LINGO2: variants seen among roughly 807,000 people sequenced by gnomAD.
LINGO2 encodes the protein leucine-rich repeat and immunoglobulin-like domain-containing nogo receptor-interacting protein 2.
In LINGO2, 14 loss-of-function variants were observed where a neutral mutation model predicts 30.6. The ratio of observed to expected loss-of-function variants is 0.46; its 90% CI spans 0.30 to 0.72. LINGO2 has a LOEUF of 0.72. LINGO2 is among the 30% of genes least tolerant of loss of function. LINGO2 has a pLI of 0.07. For synonymous variants in LINGO2, 317 were observed against 288.5 expected, an observed-to-expected ratio of 1.10 and a Z score of -1.00; for missense variants, 729 against 751.7, an observed-to-expected ratio of 0.97 and a Z score of 0.35.
At chr9:28,842,837 G>T in the LINGO2 span, among the ~76,000 whole-genome samples, 1 of 151,706 alleles carries the variant, frequency 6.6e-6, no homozygotes, top group African/African-American at 2.4e-5. Flanking sequence ...CTCTCTGAAG[G>T]TATTTGATTT....
At chr9:28,960,976 G>GGAA in the LINGO2 span, among the ~76,000 whole-genome samples, 8 of 152,030 alleles carry the variant, frequency 5.3e-5, no homozygotes, top group Non-Finnish European at 1.0e-4. Context: ...CAGGAATGGA[G>GGAA]GAAGCACCAT....
At chr9:28,824,353 G>A in the LINGO2 span, among the ~76,000 whole-genome samples, 1 of 152,182 alleles carries the variant, frequency 6.6e-6, no homozygotes. Context: ...AGCCCAATTA[G>A]TAGGCACATG....
the LINGO2 span, among the ~76,000 whole-genome samples, chr9:29,183,353 G>A: frequency 6.6e-6 from 1 of 152,204 alleles, no homozygotes; most frequent in Non-Finnish European, 1.5e-5. Context: ...ATGAAGAAAT[G>A]AAGCCATGGG....
Position 28,053,816 on chromosome 9 carries a change from C to A in LINGO2, c.-86-41411G>T, listed in dbSNP as rs1229493340. ...TATTTTCTATTCTCAGAAATGATTA[C>A]GTGTTTTCAGCTAAACCATGAGGTA... is the stretch of plus-strand genomic sequence containing the variant. On this transcript the variant is annotated intron_variant, in intron 4 of 5. Transcript: ENST00000379992. 2.0e-5 allele frequency among the ~76,000 whole-genome samples: 3 copies of A among 152,148 alleles called. No homozygotes were observed. The South Asian group carries it at 6.2e-4, about 32-fold the overall frequency.
At chr9:29,010,191 T>C in the LINGO2 span, among the ~76,000 whole-genome samples, 2 of 152,104 alleles carry the variant, frequency 1.3e-5, no homozygotes, top group Non-Finnish European at 2.9e-5. Flanking sequence ...GGGATCTAAT[T>C]AAACTAAAGA....
At chr9:28,031,368 T>C (rs1382933595) in intron 4 of LINGO2, among the ~76,000 whole-genome samples, 1 of 151,480 alleles carries the variant, frequency 6.6e-6, no homozygotes, top group Non-Finnish European at 1.5e-5. Flanking sequence ...TTTTTTTTTT[T>C]ACAATTTTTA....
chr9:28,262,055 G>C (rs544952439), intron 4 of LINGO2, among the ~76,000 whole-genome samples: 2 of 151,990 alleles, frequency 1.3e-5, no homozygotes, highest in East Asian at 1.9e-4. Flanking sequence ...GTACAGATTA[G>C]AAAACAAAAT....
the LINGO2 span, among the ~76,000 whole-genome samples, chr9:29,004,284 A>G: frequency 6.6e-6 from 1 of 152,094 alleles, no homozygotes; most frequent in East Asian, 1.9e-4. Context: ...TTTAGCTAAA[A>G]AATAATCTCA....
intron 2 of LINGO2, among the ~76,000 whole-genome samples, chr9:28,433,091 T>C (rs1001724550): frequency 2.8e-4 from 43 of 152,138 alleles, no homozygotes; most frequent in African/African-American, 1.0e-3. Flanking sequence ...GCATTCAAAA[T>C]GGCTATCATC....
intron 1 of LINGO2, among the ~76,000 whole-genome samples, chr9:28,591,627 T>G (rs1209646284): frequency 6.6e-6 from 1 of 152,060 alleles, no homozygotes; most frequent in Non-Finnish European, 1.5e-5. Flanking sequence ...ATGGGTATTT[T>G]GGAGAAGGAA....
intron 1 of LINGO2, among the ~76,000 whole-genome samples, chr9:28,513,714 C>A (rs10119327): frequency 0.22 from 33,439 of 152,024 alleles, 3,742 homozygotes; most frequent in South Asian, 0.33. Context: ...TATTTTTCTT[C>A]TTTGTGTGTA....
intron 4 of LINGO2, among the ~76,000 whole-genome samples, chr9:28,080,275 A>G (rs540448353): frequency 5.9e-5 from 9 of 152,160 alleles, no homozygotes; most frequent in Non-Finnish European, 1.2e-4. Flanking sequence ...AATTTCTACC[A>G]TGGCATATGA....
chr9:28,608,466 C>A (rs1459781216), intron 1 of LINGO2, among the ~76,000 whole-genome samples: 2 of 151,896 alleles, frequency 1.3e-5, no homozygotes, highest in Admixed American at 6.6e-5. Context: ...ATTACATAAA[C>A]CCCCTGGAAG....
chr9:28,701,767 G>T, the LINGO2 span, among the ~76,000 whole-genome samples: 1 of 151,760 alleles, frequency 6.6e-6, no homozygotes, highest in African/African-American at 2.4e-5. Context: ...CATCCTATTC[G>T]TAAAAACAGA....
At chr9:28,553,342 G>C (rs914467612) in intron 1 of LINGO2, among the ~76,000 whole-genome samples, 1 of 152,050 alleles carries the variant, frequency 6.6e-6, no homozygotes, top group East Asian at 1.9e-4. Context: ...CGAGAACTAC[G>C]TGAAGAATGC....
intron 5 of LINGO2, among the ~76,000 whole-genome samples, chr9:28,010,983 G>C (rs1046561889): frequency 6.6e-6 from 1 of 152,060 alleles, no homozygotes; most frequent in Non-Finnish European, 1.5e-5. Flanking sequence ...GGGTCCAAAG[G>C]TACCTTCCAA....
At chr9:28,310,665 G>GT (rs1192311065) in intron 3 of LINGO2, among the ~76,000 whole-genome samples, 4 of 152,080 alleles carry the variant, frequency 2.6e-5, no homozygotes, top group African/African-American at 9.7e-5. Flanking sequence ...GGTTTCATGG[G>GT]TATATTCATG....
the LINGO2 span, among the ~76,000 whole-genome samples, chr9:28,680,180 T>A: frequency 6.6e-6 from 1 of 152,048 alleles, no homozygotes; most frequent in Non-Finnish European, 1.5e-5. Context: ...GAGTTCCATT[T>A]TTTTAGATTT....
chr9:27,950,880 T>C (rs192465322), intron 5 of LINGO2, among the ~76,000 whole-genome samples, 174 bp from the exon 7 acceptor site: 3 of 152,278 alleles, frequency 2.0e-5, no homozygotes, highest in Non-Finnish European at 4.4e-5. Context: ...TTGGTCAAGT[T>C]ATTTAATCTC....
Sources: allele counts gnomAD v4.1 joint callset (sites outside exome capture counted in the v4.1 genomes callset), GRCh38; gene constraint gnomAD v4.1.1; transcripts MANE v1.5; gene names NCBI Gene and HGNC (gene_info 2026-07-23, HGNC 2026-07-21).